TENM4: variants seen among roughly 807,000 people sequenced by gnomAD.
TENM4 encodes teneurin transmembrane protein 4.
In TENM4, 82 loss-of-function variants were observed where a neutral mutation model predicts 243.3. The observed-to-expected ratio is 0.34, with a 90% CI of 0.28 to 0.40. TENM4 has a LOEUF of 0.40. TENM4 is among the 10% of genes least tolerant of loss of function. TENM4 has a pLI of 1.00. For missense variants in TENM4, 3,138 were observed against 3,673.3 expected, an observed-to-expected ratio of 0.85 and a Z score of 3.77; for synonymous variants, 1,412 against 1,456.3, an observed-to-expected ratio of 0.97 and a Z score of 0.69.
At chr11:79,041,302 G>A (rs112321018) in intron 6 of TENM4, among the ~76,000 whole-genome samples, 1 of 152,054 alleles carries the variant, frequency 6.6e-6, no homozygotes, top group African/African-American at 2.4e-5. Context: ...GACCTCAGAT[G>A]ATCCGCCAGC....
At chr11:78,984,699 C>T (rs930443675) in intron 6 of TENM4, among the ~76,000 whole-genome samples, 1 of 152,208 alleles carries the variant, frequency 6.6e-6, no homozygotes, top group Non-Finnish European at 1.5e-5. Flanking sequence ...GCTACCTCTA[C>T]TACCGGTAAC....
chr11:78,883,395 C>T (rs895234258), intron 9 of TENM4, among the ~76,000 whole-genome samples: 1 of 152,080 alleles, frequency 6.6e-6, no homozygotes, highest in African/African-American at 2.4e-5. Flanking sequence ...GAGATTTCTG[C>T]GGAGGTGGTC....
chr11:79,245,755 C>T (rs1855499822), intron 2 of TENM4, among the ~76,000 whole-genome samples: 1 of 151,898 alleles, frequency 6.6e-6, no homozygotes, highest in Non-Finnish European at 1.5e-5. Flanking sequence ...GCCTGGCCAA[C>T]ATGGTGAAAC....
intron 6 of TENM4, among the ~76,000 whole-genome samples, chr11:78,990,572 G>A (rs926016315): frequency 6.6e-5 from 10 of 152,062 alleles, no homozygotes; most frequent in African/African-American, 2.4e-4. Context: ...CTGTTCAGTG[G>A]AAAAAAACAA....
At chr11:79,136,647 A>G (rs965320198) in intron 4 of TENM4, among the ~76,000 whole-genome samples, 2 of 152,164 alleles carry the variant, frequency 1.3e-5, no homozygotes, top group Non-Finnish European at 2.9e-5. Flanking sequence ...ACTGGAACAG[A>G]TACTTGCTCC....
chr11:78,696,619 T>G (rs1436372261), intron 28 of TENM4, among the ~76,000 whole-genome samples: 1 of 152,216 alleles, frequency 6.6e-6, no homozygotes, highest in African/African-American at 2.4e-5. Flanking sequence ...TAAATTCCCT[T>G]AGCAATTCCC....
intron 3 of TENM4, among the ~76,000 whole-genome samples, chr11:79,209,375 C>T (rs1372252232): frequency 6.6e-6 from 1 of 152,230 alleles, no homozygotes; most frequent in Admixed American, 6.5e-5. Context: ...CATGGGAGCC[C>T]TGGGCCAGAA....
intron 2 of TENM4, among the ~76,000 whole-genome samples, chr11:79,246,998 A>AG (rs1453140886): frequency 2.7e-5 from 3 of 111,468 alleles, no homozygotes; most frequent in Non-Finnish European, 3.8e-5. Flanking sequence ...AAAAAAAAAA[A>AG]CACCCCCCCA....
At chr11:78,674,933 T>C (rs1858428068) in intron 30 of TENM4, among the ~76,000 whole-genome samples, 1 of 152,030 alleles carries the variant, frequency 6.6e-6, no homozygotes, top group South Asian at 2.1e-4. Flanking sequence ...CGGCGCGATC[T>C]CGGCTCATTG....
chr11:79,258,683 A>G (rs1050129297), intron 2 of TENM4, among the ~76,000 whole-genome samples: 14 of 152,334 alleles, frequency 9.2e-5, no homozygotes, highest in African/African-American at 3.4e-4. Flanking sequence ...TTCTGAGCAC[A>G]TCACATAATC....
At chr11:78,931,979 C>A (rs950724693) in intron 6 of TENM4, among the ~76,000 whole-genome samples, 3 of 152,124 alleles carry the variant, frequency 2.0e-5, no homozygotes, top group Admixed American at 2.0e-4. Flanking sequence ...CGCCACAGAG[C>A]AAAGCTTCAT....
At chr11:79,037,261 A>G (rs1182568534) in intron 6 of TENM4, among the ~76,000 whole-genome samples, 1 of 152,138 alleles carries the variant, frequency 6.6e-6, no homozygotes, top group Non-Finnish European at 1.5e-5. Context: ...TGCACCTATG[A>G]GGCAGCCCTC....
At chr11:79,366,065 A>G (rs901954345) in intron 1 of TENM4, among the ~76,000 whole-genome samples, 1 of 152,204 alleles carries the variant, frequency 6.6e-6, no homozygotes, top group Admixed American at 6.5e-5. Context: ...TAGATCCTTT[A>G]AATTACTAAC....
intron 5 of TENM4, among the ~76,000 whole-genome samples, chr11:79,066,918 C>G (rs1324440677): frequency 6.6e-6 from 1 of 152,196 alleles, no homozygotes; most frequent in Non-Finnish European, 1.5e-5. Context: ...GCCTCCTACT[C>G]AGCTGGCTCA....
At chr11:78,865,996 T>A (rs1214743687) in intron 9 of TENM4, among the ~76,000 whole-genome samples, 2 of 152,256 alleles carry the variant, frequency 1.3e-5, no homozygotes, top group Non-Finnish European at 2.9e-5. Flanking sequence ...GTACTGTTGA[T>A]GATAATGAAA....
At chr11:79,299,734 C>T (rs1170135768) in intron 1 of TENM4, among the ~76,000 whole-genome samples, 1 of 152,180 alleles carries the variant, frequency 6.6e-6, no homozygotes, top group Non-Finnish European at 1.5e-5. Flanking sequence ...AAAATCCCAA[C>T]CCGGTCAGGG....
chr11:79,224,169 A>G (rs1590807259), intron 2 of TENM4, among the ~76,000 whole-genome samples: 1 of 152,078 alleles, frequency 6.6e-6, no homozygotes, highest in South Asian at 2.1e-4. Flanking sequence ...TCAATTCTCT[A>G]TGATTTAGAG....
rs11603431 is a variant in TENM4, at chr11:79,038,238, A to T, written c.493+26500T>A. On this transcript the variant is annotated intron_variant, in intron 6 of 33. Coordinates refer to ENST00000278550, the MANE Select transcript of TENM4 (RefSeq NM_001098816.3). ...TGAGAGAACAATCACCTCTAAATCAATATCTCCAGGACCTCTTATTCAGCT... is the reference window on the plus strand; with the variant it reads ...TGAGAGAACAATCACCTCTAAATCATTATCTCCAGGACCTCTTATTCAGCT... Among the ~76,000 whole-genome samples the T allele has an allele frequency of 7.1e-3, 1,088 of 152,246 alleles. 7 individuals carry two copies. Among genetic ancestry groups the T allele is most frequent in the Non-Finnish European group, 0.012 (792 of 68,020 alleles).
chr11:79,135,346 C>A (rs935494673), intron 4 of TENM4, among the ~76,000 whole-genome samples: 4 of 151,268 alleles, frequency 2.6e-5, no homozygotes, highest in East Asian at 1.9e-4. Context: ...AAAAAAAAAA[C>A]CCAGTAGATA....
Sources: allele counts gnomAD v4.1 joint callset (sites outside exome capture counted in the v4.1 genomes callset), GRCh38; gene constraint gnomAD v4.1.1; transcripts MANE v1.5; gene names NCBI Gene and HGNC (gene_info 2026-07-23, HGNC 2026-07-21).